The following MMUT variants were observed in gnomAD, a reference collection of about 807,000 sequenced individuals.
MMUT encodes the protein methylmalonyl-CoA mutase, mitochondrial.
Under a neutral mutation model 79.9 loss-of-function variants are expected in MMUT, and 79 were observed. The observed-to-expected ratio is 0.99, with a 90% CI of 0.82 to 1.19. The LOEUF is 1.19. MMUT is among the 50% of genes most tolerant of loss of function. The probability of loss-of-function intolerance (pLI) is 0.00; values close to 1 mark genes in which losing one functional copy is unlikely to be tolerated. For missense variants in MMUT, 860 were observed against 917.2 expected (o/e 0.94, Z 0.81); for synonymous variants, 273 against 295.7 (o/e 0.92, Z 0.79).
Position 49,459,285 on chromosome 6 carries a change from C to CA in MMUT, c.181dup (p.Trp61LeufsTer23). ...TATAGAGATCCCTTCCGGGGTGTGC[C>CA]ATATTAGGTCTTCTGGGTTTTTGCC... On this transcript the variant is annotated frameshift_variant, in exon 2 of 13. Transcript: ENST00000274813. LOFTEE classifies it high-confidence loss of function. 1 of 1,614,088 alleles carries CA rather than the reference C, an allele frequency of 6.2e-7. No individual in the cohort carries two copies. The highest frequency in any genetic ancestry group is 2.2e-5 in the East Asian group (1 of 44,852).
chr6:49,453,575 A>G lies in MMUT; in HGVS notation c.1083+10T>C, dbSNP rs757339618. 2.0e-6 allele frequency: 3 copies of G among 1,533,378 alleles called. No individual in the cohort carries two copies. Among genetic ancestry groups the G allele is most frequent in the Non-Finnish European group, 2.7e-6 (3 of 1,123,720 alleles). The allele number at this position is 1,533,378 out of a possible 1,614,324, so 95.0% of individuals were successfully genotyped here. A position where few individuals can be genotyped will look rare whatever the true frequency, so the allele number is the denominator to read the frequency against. On this transcript the variant is annotated intron_variant, in intron 5 of 12. Transcript: ENST00000274813. ...TTATTAAAATTCTACATTTTAAATT[A>G]TATACATACCTGCTCAGTAAGTGAC...
rs1460041399 is a variant in MMUT, at chr6:49,458,222, C to T, written c.386-164G>A. 2.0e-5 allele frequency among the ~76,000 whole-genome samples: 3 copies of T among 152,150 alleles called. No individual in the cohort carries two copies. The East Asian group carries it at 5.8e-4, about 29-fold the overall frequency. On this transcript the variant is annotated intron_variant, in intron 2 of 12. Transcript: ENST00000274813. Reference sequence around the variant, plus strand: ...GTCAAAACCAACTTAAATAAAGATACTTCACTTCTTAAGAGAGTCAGTTGT... The same window carrying T: ...GTCAAAACCAACTTAAATAAAGATATTTCACTTCTTAAGAGAGTCAGTTGT...
intron 4 of MMUT, 143 bp from the exon 5 acceptor site, chr6:49,453,899 T>C: frequency 1.5e-6 from 1 of 655,404 alleles, no homozygotes; most frequent in Admixed American, 2.9e-5. Flanking sequence ...TCAGTGCACG[T>C]ACATTTATGT....
intron 6 of MMUT, among the ~76,000 whole-genome samples, chr6:49,451,132 A>G (rs1767540558): frequency 6.6e-6 from 1 of 152,180 alleles, no homozygotes; most frequent in Admixed American, 6.5e-5. Flanking sequence ...AAAAATAAGC[A>G]AAGAAGTATG....
At chr6:49,433,641 G>A (rs1390790606) in intron 12 of MMUT, among the ~76,000 whole-genome samples, 1 of 152,104 alleles carries the variant, frequency 6.6e-6, no homozygotes, top group Non-Finnish European at 1.5e-5. Context: ...AATACTGATC[G>A]TAGTAACATA....
At chr6:49,456,342 C>T (rs1441483079) in intron 3 of MMUT, 105 bp from the exon 4 acceptor site, 2 of 819,524 alleles carry the variant, frequency 2.4e-6, no homozygotes, top group Non-Finnish European at 4.0e-6. Context: ...ATGTTAAATT[C>T]AAATAAACTT....
chr6:49,457,402 C>A (rs1341126377), intron 3 of MMUT, among the ~76,000 whole-genome samples: 2 of 152,140 alleles, frequency 1.3e-5, no homozygotes, highest in Admixed American at 6.5e-5. Flanking sequence ...ACAACTGCAT[C>A]TGAATTTCGG....
At chr6:49,451,407 T>C (rs1262221994) in intron 6 of MMUT, 59 bp downstream of exon 6, 2 of 1,566,680 alleles carry the variant, frequency 1.3e-6, no homozygotes, top group Non-Finnish European at 1.7e-6. Flanking sequence ...TTTTAAAATC[T>C]ATAAATCTTT....
intron 11 of MMUT, among the ~76,000 whole-genome samples, chr6:49,436,291 A>G (rs1262496381): frequency 1.3e-5 from 2 of 152,142 alleles, no homozygotes; most frequent in Admixed American, 1.3e-4. Context: ...ACCCAAATGA[A>G]CAGAAATCTT....
At chr6:49,435,850 T>C (rs915976338) in intron 11 of MMUT, among the ~76,000 whole-genome samples, 8 of 152,140 alleles carry the variant, frequency 5.3e-5, no homozygotes, top group African/African-American at 1.4e-4. Flanking sequence ...AGTAAACAGA[T>C]AACCTACAGA....
At chr6:49,450,018 G>A (rs554418510) in intron 6 of MMUT, among the ~76,000 whole-genome samples, 1 of 151,932 alleles carries the variant, frequency 6.6e-6, no homozygotes, top group Non-Finnish European at 1.5e-5. Flanking sequence ...GGATCACGAG[G>A]TCAGGAGTTT....
rs1190014468 is a variant in MMUT, at chr6:49,451,492, T to C, written c.1306A>G (p.Asn436Asp). 2 of 1,614,056 alleles carry C rather than the reference T, an allele frequency of 1.2e-6. No individual in the cohort carries two copies. The highest frequency in any genetic ancestry group is 1.1e-5 in the South Asian group (1 of 91,078). The change falls in exon 6 of 13, where the codon AAT becomes GAT. Residue 436 changes from asparagine to aspartate, a missense_variant. Transcript: ENST00000274813. ...GGSYMMECLT[N>D]DVYDAALKLI... The stretch of plus-strand genomic sequence containing the variant: ...TTTAAAGCAGCATCATAAACATCAT[T>C]TGTGAGACATTCCATCATGTAAGAA...
chr6:49,434,040 A>G (rs1050702606), intron 12 of MMUT, among the ~76,000 whole-genome samples: 2 of 152,202 alleles, frequency 1.3e-5, no homozygotes, highest in East Asian at 3.8e-4. Context: ...GCTCACTTAT[A>G]TAACAGGCAT....
intron 11 of MMUT, among the ~76,000 whole-genome samples, 157 bp from the exon 12 acceptor site, chr6:49,435,780 T>C (rs970269003): frequency 3.3e-5 from 5 of 151,980 alleles, no homozygotes; most frequent in African/African-American, 1.2e-4. Context: ...AAGCAAAAAT[T>C]GACAAATGAG....
intron 11 of MMUT, among the ~76,000 whole-genome samples, chr6:49,436,077 A>C (rs1277758310): frequency 6.6e-6 from 1 of 152,182 alleles, no homozygotes; most frequent in Admixed American, 6.5e-5. Flanking sequence ...CCAATGAGAC[A>C]CCATTTCACA....
intron 3 of MMUT, among the ~76,000 whole-genome samples, chr6:49,457,016 T>C (rs1474717346): frequency 6.6e-6 from 1 of 152,076 alleles, no homozygotes; most frequent in Non-Finnish European, 1.5e-5. Context: ...CTTGCTAGAG[T>C]TTGGAGATAA....
chr6:49,439,978 C>T (rs750533545), intron 11 of MMUT, among the ~76,000 whole-genome samples: 46 of 152,326 alleles, frequency 3.0e-4, no homozygotes, highest in Non-Finnish European at 5.1e-4. Flanking sequence ...TAAACCCCTG[C>T]AGTAGGACAG....
At chr6:49,437,912 T>C (rs932011259) in intron 11 of MMUT, among the ~76,000 whole-genome samples, 11 of 152,148 alleles carry the variant, frequency 7.2e-5, no homozygotes, top group Non-Finnish European at 1.6e-4. Flanking sequence ...GGGTTTCTTG[T>C]AACAAGTGAG....
rs1766954378 is a variant in MMUT, at chr6:49,430,814, T to C, written c.*914A>G. The C allele has an allele frequency of 6.6e-6, 1 of 152,180 alleles. No individual in the cohort carries two copies. The highest frequency in any genetic ancestry group is 2.4e-5 in the African/African-American group (1 of 41,452). The allele number at this position is 152,180 out of a possible 1,614,324, so 9.4% of individuals were successfully genotyped here. A position where few individuals can be genotyped will look rare whatever the true frequency, so the allele number is the denominator to read the frequency against. ...AGGATGTGCAGATTTGTTAAACAGG[T>C]AAATGGCAACTTTCCTTCTTTAGTG... On this transcript the variant is annotated 3_prime_UTR_variant, in exon 13 of 13. Transcript: ENST00000274813.
Sources: allele counts gnomAD v4.1 joint callset (sites outside exome capture counted in the v4.1 genomes callset), GRCh38; gene constraint gnomAD v4.1.1; transcripts MANE v1.5; gene names NCBI Gene and HGNC (gene_info 2026-07-23, HGNC 2026-07-21).